Variants in SLC39A8 observed in about 807,000 individuals in gnomAD.
The protein encoded by SLC39A8 is solute carrier family 39 member 8, also known as metal cation symporter ZIP8.
In SLC39A8, 15 loss-of-function variants were observed where a neutral mutation model predicts 40.4. The observed-to-expected ratio is 0.37, with a 90% confidence interval of 0.25 to 0.57. The LOEUF (loss-of-function observed/expected upper bound fraction) is 0.57, where lower values mean the gene tolerates loss of function less well. SLC39A8 is among the 20% of genes least tolerant of loss of function. The pLI, the probability that SLC39A8 is intolerant of heterozygous loss-of-function variation, is 0.75. For missense variants in SLC39A8, 472 were observed against 558.8 expected (o/e 0.84, Z 1.57); for synonymous variants, 223 against 221.6 (o/e 1.01, Z -0.06).
intron 11 of SLC39A8, among the ~76,000 whole-genome samples, chr4:102,255,687 A>G (rs1418815504): frequency 6.6e-6 from 1 of 152,174 alleles, no homozygotes; most frequent in Non-Finnish European, 1.5e-5. Context: ...AGGAAGAGTG[A>G]AGCTTTTACA....
At chr4:102,268,428 A>G (rs1342925824) in intron 6 of SLC39A8, among the ~76,000 whole-genome samples, 1 of 152,256 alleles carries the variant, frequency 6.6e-6, no homozygotes, top group African/African-American at 2.4e-5. Context: ...AAATGAAGGA[A>G]GTTATTCAAA....
At chr4:102,336,025 G>A (rs1735655448) in intron 2 of SLC39A8, among the ~76,000 whole-genome samples, 1 of 152,066 alleles carries the variant, frequency 6.6e-6, no homozygotes, top group Non-Finnish European at 1.5e-5. Context: ...ACTATGCATT[G>A]AGCACATAAT....
At chr4:102,321,782 G>A (rs1734977153) in intron 2 of SLC39A8, among the ~76,000 whole-genome samples, 1 of 152,220 alleles carries the variant, frequency 6.6e-6, no homozygotes, top group Non-Finnish European at 1.5e-5. Context: ...CCCTGAGAAA[G>A]GTAGAGACCA....
chr4:102,339,732 T>C (rs905489981), intron 2 of SLC39A8, among the ~76,000 whole-genome samples: 2 of 152,176 alleles, frequency 1.3e-5, no homozygotes, highest in East Asian at 3.8e-4. Flanking sequence ...TATATTACCT[T>C]CTGAGTTTCT....
Position 102,344,859 on chromosome 4 carries a change from G to A in SLC39A8, c.-197C>T. On this transcript the variant is annotated 5_prime_UTR_variant, in exon 2 of 9. Coordinates refer to ENST00000356736, the MANE Select transcript of SLC39A8 (RefSeq NM_001135146.2). Reference sequence around the variant, plus strand: ...CTCGCGACCTGCGGGGCATTGAAGTGGCAGCGTAGCCGAGGGGAGCGATAG... The same window carrying A: ...CTCGCGACCTGCGGGGCATTGAAGTAGCAGCGTAGCCGAGGGGAGCGATAG... The A allele has an allele frequency of 7.6e-7, 1 of 1,313,010 alleles. No homozygotes were observed. Among genetic ancestry groups the A allele is most frequent in the Non-Finnish European group, 9.6e-7 (1 of 1,036,608 alleles). The allele number at this position is 1,313,010 out of a possible 1,614,324, so 81.3% of individuals were successfully genotyped here.
At position 102,306,922 on chromosome 4, in the gene SLC39A8, G is replaced by C. The variant is rs531322486; in HGVS notation, c.552+514C>G. Among the ~76,000 whole-genome samples, 263 of 151,906 alleles carry C rather than the reference G, an allele frequency of 1.7e-3. 1 individual carries two copies. Among genetic ancestry groups the C allele is most frequent in the African/African-American group, 6.1e-3 (252 of 41,466 alleles). On this transcript the variant is annotated intron_variant, in intron 4 of 8. Transcript: ENST00000356736. ...GCTATTTATTTATTAGTCCTCAATT[G>C]ATATTTTTTCCACAGTTGGAAAAAA... is the stretch of plus-strand genomic sequence containing the variant.
At chr4:102,289,804 G>A (rs1186933014) in intron 6 of SLC39A8, among the ~76,000 whole-genome samples, 1 of 152,184 alleles carries the variant, frequency 6.6e-6, no homozygotes, top group Non-Finnish European at 1.5e-5. Flanking sequence ...TAAATGAGCA[G>A]TTGCTTCTCA....
intron 6 of SLC39A8, among the ~76,000 whole-genome samples, chr4:102,298,869 C>T (rs1040708507): frequency 6.6e-6 from 1 of 152,032 alleles, no homozygotes; most frequent in Non-Finnish European, 1.5e-5. Flanking sequence ...GCACCAAGTA[C>T]TTCTGAAGGC....
intron 6 of SLC39A8, among the ~76,000 whole-genome samples, chr4:102,296,152 T>C (rs533825504): frequency 6.6e-6 from 1 of 152,262 alleles, no homozygotes; most frequent in South Asian, 2.1e-4. Flanking sequence ...CTAAATTACC[T>C]ATGAGCTTTT....
At chr4:102,310,751 C>T (rs754056715) in intron 3 of SLC39A8, among the ~76,000 whole-genome samples, 1 of 152,118 alleles carries the variant, frequency 6.6e-6, no homozygotes, top group Non-Finnish European at 1.5e-5. Flanking sequence ...TAGTATGAAT[C>T]TATTCCTTGG....
rs749992834 is a variant in SLC39A8 at position 102,344,484 on chromosome 4, C to T, written c.179G>A (p.Arg60His). The T allele has an allele frequency of 3.0e-5, 46 of 1,550,138 alleles. No individual in the cohort carries two copies. In the South Asian group the frequency reaches 4.9e-4, roughly 17 times the overall value. The change falls in exon 2 of 9, where the codon CGC becomes CAC. Residue 60 changes from arginine (R) to histidine (H), a missense_variant. Coordinates refer to ENST00000356736, the MANE Select transcript of SLC39A8 (RefSeq NM_001135146.2). ...HLLEQMGAAS[R>H]VGVPEPGQLH... is the part of the protein sequence containing the mutation. ...CTGGCCAGGCTCCGGGACGCCCACG[C>T]GGGAGGCGGCTCCCATCTGCTCCAG...
intron 6 of SLC39A8, among the ~76,000 whole-genome samples, chr4:102,274,089 G>T (rs147599908): frequency 6.6e-6 from 1 of 152,080 alleles, no homozygotes; most frequent in Non-Finnish European, 1.5e-5. Context: ...AAAATCAGAC[G>T]GAGAATAAGT....
chr4:102,338,227 C>G (rs1490774888), intron 2 of SLC39A8, among the ~76,000 whole-genome samples: 1 of 150,140 alleles, frequency 6.7e-6, no homozygotes, highest in East Asian at 1.9e-4. Context: ...TACTTTGTCA[C>G]CCAGGCTGGA....
At chr4:102,337,254 A>T (rs2149055172) in intron 2 of SLC39A8, among the ~76,000 whole-genome samples, 1 of 152,068 alleles carries the variant, frequency 6.6e-6, no homozygotes, top group East Asian at 1.9e-4. Context: ...AAAAAGAATC[A>T]AAAGTATATT....
chr4:102,266,723 T>C (rs545151479), intron 8 of SLC39A8, among the ~76,000 whole-genome samples: 2 of 152,192 alleles, frequency 1.3e-5, no homozygotes, highest in Admixed American at 6.5e-5. Context: ...TTCTCCTGCC[T>C]CAGACTCCCG....
Position 102,339,781 on chromosome 4 carries a change from G to A in SLC39A8, c.219+4663C>T, listed in dbSNP as rs1016833093. ...GTCCTTACATCTCATGAAATCCACTGCAGATGGCTCCTTAGCTCCCACCTT... is the reference window on the plus strand; with the variant it reads ...GTCCTTACATCTCATGAAATCCACTACAGATGGCTCCTTAGCTCCCACCTT... On this transcript the variant is annotated intron_variant, in intron 2 of 8. Coordinates refer to ENST00000356736, the MANE Select transcript of SLC39A8 (RefSeq NM_001135146.2). Among the ~76,000 whole-genome samples, 9 of 152,038 alleles carry A rather than the reference G, an allele frequency of 5.9e-5. No individual in the cohort carries two copies. In the East Asian group the frequency reaches 1.3e-3, roughly 23 times the overall value.
chr4:102,261,853 C>T lies in SLC39A8; in HGVS notation c.*1191G>A. On this transcript the variant is annotated 3_prime_UTR_variant, in exon 9 of 9. Transcript: ENST00000356736. ...TTGTTGGGCTTTGTCAATCATTTTC[C>T]TCACCATCAAATCACCTTAAGTGAC... The T allele has an allele frequency of 1.0e-6, 1 of 985,450 alleles. No homozygotes were observed. Among genetic ancestry groups the T allele is most frequent in the Non-Finnish European group, 1.2e-6 (1 of 829,506 alleles). The allele number at this position is 985,450 out of a possible 1,614,324, so 61.0% of individuals were successfully genotyped here.
Position 102,267,477 on chromosome 4 carries a change from T to G in SLC39A8, c.1233+13A>C. The G allele has an allele frequency of 1.3e-6, 2 of 1,568,564 alleles. No homozygotes were observed. Among genetic ancestry groups the G allele is most frequent in the South Asian group, 1.2e-5 (1 of 83,762 alleles). On this transcript the variant is annotated intron_variant, in intron 8 of 8. Transcript: ENST00000356736. ...TTTAAATTAAAAGAAAATACAAATT[T>G]TAAGCTTCTTACCATATCTGCCAGA...
chr4:102,332,130 C>G (rs1166416791), intron 2 of SLC39A8, among the ~76,000 whole-genome samples: 1 of 152,076 alleles, frequency 6.6e-6, no homozygotes, highest in African/African-American at 2.4e-5. Context: ...ACTAAAACAC[C>G]AAAAGCAATG....
Sources: gnomAD v4.1 joint callset for allele counts (sites outside exome capture counted in the v4.1 genomes callset) on GRCh38, gnomAD v4.1.1 for gene constraint, MANE v1.5 for transcripts, NCBI Gene and HGNC (gene_info 2026-07-23, HGNC 2026-07-21) for gene names.